Variants in CDC14B observed in about 807,000 individuals in gnomAD.
The protein encoded by CDC14B is dual specificity protein phosphatase CDC14B.
Under a neutral mutation model 64.2 loss-of-function variants are expected in CDC14B, and 22 were observed. The observed-to-expected ratio is 0.34, with a 90% CI of 0.24 to 0.49. CDC14B has a LOEUF of 0.49. Among genes scored for constraint, CDC14B ranks in the 20% least tolerant of loss-of-function variants. CDC14B has a pLI of 0.99. For missense variants in CDC14B, 498 were observed against 629.9 expected, an observed-to-expected ratio of 0.79 and a Z score of 2.24; for synonymous variants, 191 against 215.8, an observed-to-expected ratio of 0.89 and a Z score of 1.01.
At position 96,565,480 on chromosome 9, in the gene CDC14B, C is replaced by T. The variant is rs752567723; in HGVS notation, c.164G>A (p.Arg55His). The change falls in exon 2 of 14, where the codon CGC becomes CAC. Residue 55 changes from arginine to histidine, a missense_variant. Physicochemically the swap from Arg to His is conservative, Grantham distance 29 (BLOSUM62 0). Transcript: ENST00000375241. The part of the protein sequence containing the change: ...QDDVYLDITD[R>H]LCFAILYSRP... ...GCTGTAGAGAATGGCAAAACAAAGGCGATCTGAAATGGAAAAATTGCAATG... is the reference window on the plus strand; with the variant it reads ...GCTGTAGAGAATGGCAAAACAAAGGTGATCTGAAATGGAAAAATTGCAATG... The T allele has an allele frequency of 2.6e-5, 41 of 1,605,880 alleles. No homozygotes were observed. Among genetic ancestry groups the T allele is most frequent in the Admixed American group, 3.3e-5 (2 of 59,934 alleles).
chr9:96,507,273 C>T lies in CDC14B; in HGVS notation c.1460+2400G>A, dbSNP rs932567855. On this transcript the variant is annotated intron_variant, in intron 13 of 13. Transcript: ENST00000375241. ...CGAAGTTTGCAGTGAGCCGAGAAAACACTACTGCTCTCCAGCCTGGGCAAC... is the reference window on the plus strand; with the variant it reads ...CGAAGTTTGCAGTGAGCCGAGAAAATACTACTGCTCTCCAGCCTGGGCAAC... Among the ~76,000 whole-genome samples the T allele has an allele frequency of 1.3e-4, 18 of 142,896 alleles. 1 individual carries two copies. The East Asian group carries it at 3.7e-3, about 30-fold the overall frequency. 93.7% of individuals were successfully genotyped at this position (142,896 alleles called of 152,430 possible).
At chr9:96,573,695 A>C (rs912627680) in intron 1 of CDC14B, among the ~76,000 whole-genome samples, 6 of 152,218 alleles carry the variant, frequency 3.9e-5, no homozygotes, top group African/African-American at 1.4e-4. Flanking sequence ...ACTACATGAA[A>C]CCTGACATGC....
At chr9:96,509,334 G>A (rs1030473074) in intron 13 of CDC14B, among the ~76,000 whole-genome samples, 14 of 152,124 alleles carry the variant, frequency 9.2e-5, no homozygotes, top group East Asian at 1.9e-4. Flanking sequence ...GCAGCTAATC[G>A]TCCAGCAATG....
At chr9:96,552,886 A>AG (rs1325135548) in intron 4 of CDC14B, among the ~76,000 whole-genome samples, 1 of 152,192 alleles carries the variant, frequency 6.6e-6, no homozygotes, top group Admixed American at 6.5e-5. Context: ...TGAACTCCAA[A>AG]GATTACTTTG....
chr9:96,495,200 A>T (rs1357483151), downstream of CDC14B, among the ~76,000 whole-genome samples: 1 of 152,138 alleles, frequency 6.6e-6, no homozygotes, highest in Non-Finnish European at 1.5e-5. Flanking sequence ...TGGGAGCTCA[A>T]AGCCATTTGT....
chr9:96,612,300 T>C (rs763715457), intron 1 of CDC14B, among the ~76,000 whole-genome samples: 3 of 152,224 alleles, frequency 2.0e-5, no homozygotes, highest in Non-Finnish European at 4.4e-5. Flanking sequence ...ACGGGAATGT[T>C]TGCTTCTTAG....
chr9:96,503,336 T>C lies in CDC14B; in HGVS notation c.*417A>G, dbSNP rs16911003. On this transcript the variant is annotated 3_prime_UTR_variant, in exon 14 of 14. Coordinates refer to ENST00000375241, the MANE Select transcript of CDC14B (RefSeq NM_033331.4). ...TAATGCCTTTTGTATCTTTATAAAT[T>C]TTGACACAGGGTCACAAGGTGAACA... is the stretch of plus-strand genomic sequence containing the variant. 347 of 197,870 alleles carry C rather than the reference T, an allele frequency of 1.8e-3. 4 individuals are homozygous for C. In the East Asian group the frequency reaches 0.032, roughly 19 times the overall value. 12.3% of individuals were successfully genotyped at this position (197,870 alleles called of 1,614,324 possible).
chr9:96,542,074 T>C (rs1840137197), intron 5 of CDC14B, among the ~76,000 whole-genome samples, 182 bp from the exon 6 acceptor site: 1 of 152,242 alleles, frequency 6.6e-6, no homozygotes, highest in African/African-American at 2.4e-5. Context: ...CTGCAGTTTC[T>C]ACCTATTCCA....
Position 96,522,550 on chromosome 9 carries a change from G to A in CDC14B, c.1299C>T (p.Ala433=), listed in dbSNP as rs780464628. 1.5e-5 allele frequency: 25 copies of A among 1,613,662 alleles called. No homozygotes were observed. In the South Asian group the frequency reaches 2.7e-4, roughly 18 times the overall value. ...NGVTQGDRLR[A]LKSRRQSKTN... is the part of the protein sequence containing the mutation. ...TTTTGGATTGTCTTCTGCTTTTCAA[G>A]GCCCGAAGTCTATCACCTTGTGTCA... The change falls in exon 12 of 14, where the codon GCC becomes GCT. Residue 433 remains alanine (A), a synonymous_variant. Coordinates refer to ENST00000375241, the MANE Select transcript of CDC14B (RefSeq NM_033331.4).
chr9:96,534,920 T>C (rs1188704357), intron 7 of CDC14B, among the ~76,000 whole-genome samples: 1 of 152,174 alleles, frequency 6.6e-6, no homozygotes, highest in African/African-American at 2.4e-5. Context: ...ACTTCCCTGT[T>C]TTCCTGAATG....
intron 5 of CDC14B, among the ~76,000 whole-genome samples, chr9:96,543,817 G>A (rs75632711): frequency 0.018 from 2,757 of 152,266 alleles, 80 homozygotes; most frequent in African/African-American, 0.063. Flanking sequence ...GTTGCTGGTG[G>A]AGCTATCACT....
intron 4 of CDC14B, among the ~76,000 whole-genome samples, chr9:96,553,066 A>G (rs1037633477): frequency 6.6e-6 from 1 of 152,216 alleles, no homozygotes; most frequent in East Asian, 1.9e-4. Flanking sequence ...TTACACACCA[A>G]TCCGATTCAC....
chr9:96,523,136 T>C (rs1419066010), intron 11 of CDC14B, 125 bp downstream of exon 11: 2 of 1,031,934 alleles, frequency 1.9e-6, no homozygotes, highest in African/African-American at 1.6e-5. Flanking sequence ...GGGTTATAAA[T>C]ATAAAAAACT....
intron 1 of CDC14B, among the ~76,000 whole-genome samples, chr9:96,569,411 G>C (rs1247622984): frequency 6.6e-6 from 1 of 152,140 alleles, no homozygotes; most frequent in Non-Finnish European, 1.5e-5. Flanking sequence ...ATGGAAATGG[G>C]AAGAAATTTT....
intron 1 of CDC14B, among the ~76,000 whole-genome samples, chr9:96,587,126 T>C (rs538385082): frequency 6.1e-4 from 93 of 152,060 alleles, no homozygotes; most frequent in African/African-American, 2.2e-3. Context: ...TGAAAAGAGA[T>C]TGCACCACTG....
In CDC14B at chr9:96,519,361, G is replaced by A. The variant is rs185530730; in HGVS notation, c.1343+3145C>T. 6.6e-5 allele frequency among the ~76,000 whole-genome samples: 10 copies of A among 152,168 alleles called. No homozygotes were observed. The East Asian group carries it at 1.5e-3, about 24-fold the overall frequency. ...CACATGGTTTCCTGTCATCATTGTAGTCAGGATCAGACAGGCTGAGCAAAT... is the reference window on the plus strand; with the variant it reads ...CACATGGTTTCCTGTCATCATTGTAATCAGGATCAGACAGGCTGAGCAAAT... On this transcript the variant is annotated intron_variant, in intron 12 of 13. Transcript: ENST00000375241.
At chr9:96,531,386 G>A (rs1838458785) in intron 9 of CDC14B, among the ~76,000 whole-genome samples, 1 of 151,990 alleles carries the variant, frequency 6.6e-6, no homozygotes, top group South Asian at 2.1e-4. Flanking sequence ...CTAGGAATTT[G>A]TCCATTTCAT....
At chr9:96,534,628 C>T in intron 7 of CDC14B, 86 bp from the exon 8 acceptor site, 1 of 856,052 alleles carries the variant, frequency 1.2e-6, no homozygotes, top group Non-Finnish European at 1.9e-6. Context: ...TGAAGGACTT[C>T]AAACTCATTT....
rs1365173966 is a variant in CDC14B at position 96,503,091 on chromosome 9, T to C, written c.*662A>G. The C allele has an allele frequency of 2.6e-6, 1 of 386,726 alleles. No homozygotes were observed. Among genetic ancestry groups the C allele is most frequent in the Non-Finnish European group, 4.6e-6 (1 of 218,934 alleles). 24.0% of individuals were successfully genotyped at this position (386,726 alleles called of 1,614,324 possible). A position where few individuals can be genotyped will look rare whatever the true frequency, so the allele number is the denominator to read the frequency against. On this transcript the variant is annotated 3_prime_UTR_variant, in exon 14 of 14. Transcript: ENST00000375241. ...CTGAGTCTTCTAAAGCTACCATTAA[T>C]ATTCTCTTGCAAGTTTTAGGTTACT...
Sources: allele counts gnomAD v4.1 joint callset (sites outside exome capture counted in the v4.1 genomes callset), GRCh38; gene constraint gnomAD v4.1.1; transcripts MANE v1.5; gene names NCBI Gene and HGNC (gene_info 2026-07-23, HGNC 2026-07-21).